Variants in GFRA1 observed in about 807,000 individuals in gnomAD.
GFRA1 encodes GDNF family receptor alpha 1, also known as GDNF family receptor alpha-1.
GFRA1 carries 16 observed loss-of-function variants against 51.6 expected under a neutral mutation model. The observed-to-expected ratio is 0.31, with a 90% CI of 0.21 to 0.47. The LOEUF (loss-of-function observed/expected upper bound fraction) is 0.47, where lower values mean the gene tolerates loss of function less well. Ranked by LOEUF, GFRA1 falls within the 20% of genes least tolerant of loss-of-function variation. The pLI, the probability that GFRA1 is intolerant of heterozygous loss-of-function variation, is 1.00. For missense variants in GFRA1, 530 were observed against 594.3 expected (o/e 0.89, Z 1.13); for synonymous variants, 270 against 241.3 (o/e 1.12, Z -1.10).
At chr10:116,210,003 G>T (rs1965067694) in intron 5 of GFRA1, among the ~76,000 whole-genome samples, 1 of 152,074 alleles carries the variant, frequency 6.6e-6, no homozygotes, top group South Asian at 2.1e-4. Flanking sequence ...GGTAGCTTGC[G>T]GCTTCCATCT....
At chr10:116,084,020 C>A (rs1222836887) in intron 9 of GFRA1, among the ~76,000 whole-genome samples, 1 of 152,124 alleles carries the variant, frequency 6.6e-6, no homozygotes, top group South Asian at 2.1e-4. Flanking sequence ...AAGGTGTGAA[C>A]CTAGGCTGAA....
chr10:116,245,646 T>C (rs1198524059), intron 4 of GFRA1, among the ~76,000 whole-genome samples: 1 of 152,210 alleles, frequency 6.6e-6, no homozygotes, highest in Non-Finnish European at 1.5e-5. Flanking sequence ...TATAGCTTTA[T>C]TCATAATAAA....
At chr10:116,078,756 C>T (rs1186827711) in intron 9 of GFRA1, among the ~76,000 whole-genome samples, 3 of 152,078 alleles carry the variant, frequency 2.0e-5, no homozygotes, top group South Asian at 4.2e-4. Flanking sequence ...CACACAGAGA[C>T]GATGAAAACG....
chr10:116,115,312 A>G (rs1957370098), intron 6 of GFRA1, among the ~76,000 whole-genome samples: 1 of 151,878 alleles, frequency 6.6e-6, no homozygotes, highest in South Asian at 2.1e-4. Context: ...TGGCTGTGAG[A>G]CCCAGGCCCA....
intron 9 of GFRA1, among the ~76,000 whole-genome samples, chr10:116,068,708 A>C (rs1955231111): frequency 6.6e-6 from 1 of 152,172 alleles, no homozygotes; most frequent in African/African-American, 2.4e-5. Flanking sequence ...GGAACCTGAG[A>C]AACCTGTTAT....
At chr10:116,238,599 A>T (rs1441557093) in intron 4 of GFRA1, among the ~76,000 whole-genome samples, 1 of 152,238 alleles carries the variant, frequency 6.6e-6, no homozygotes, top group Non-Finnish European at 1.5e-5. Context: ...GATGGATAAT[A>T]AGCAATATTT....
chr10:116,205,938 A>T lies in GFRA1; in HGVS notation c.433+5693T>A, dbSNP rs1964718214. The stretch of plus-strand genomic sequence containing the variant: ...CATTTTCCTCATATCACACACACAC[A>T]CACACACACACACACACACACACAC... On this transcript the variant is annotated intron_variant, in intron 5 of 10. Coordinates refer to ENST00000355422, the MANE Select transcript of GFRA1 (RefSeq NM_005264.8). 2.0e-5 allele frequency among the ~76,000 whole-genome samples: 3 copies of T among 149,034 alleles called. No homozygotes were observed. In the South Asian group the frequency reaches 6.4e-4, roughly 32 times the overall value.
chr10:116,095,253 C>T (rs541454129), intron 7 of GFRA1, among the ~76,000 whole-genome samples: 2 of 152,298 alleles, frequency 1.3e-5, no homozygotes, highest in Admixed American at 1.3e-4. Context: ...GTTTGTGAAC[C>T]AAATACTTGC....
At chr10:116,271,601 G>T (rs887246489) in intron 2 of GFRA1, among the ~76,000 whole-genome samples, 2 of 152,254 alleles carry the variant, frequency 1.3e-5, no homozygotes, top group Admixed American at 1.3e-4. Context: ...GTGCCCAGAA[G>T]CTACTCGGGA....
intron 5 of GFRA1, among the ~76,000 whole-genome samples, chr10:116,196,781 TA>T (rs1392583675): frequency 8.1e-6 from 1 of 123,866 alleles, no homozygotes; most frequent in Non-Finnish European, 1.6e-5. Flanking sequence ...ATACTGTATA[TA>T]ATATAATATA....
intron 4 of GFRA1, among the ~76,000 whole-genome samples, chr10:116,266,875 G>T (rs1383104802): frequency 2.0e-5 from 3 of 152,190 alleles, no homozygotes; most frequent in Non-Finnish European, 4.4e-5. Flanking sequence ...CTAGAGATGA[G>T]CCCAACCTTT....
At chr10:116,105,436 G>A (rs1285123622) in intron 6 of GFRA1, among the ~76,000 whole-genome samples, 2 of 152,174 alleles carry the variant, frequency 1.3e-5, no homozygotes, top group Admixed American at 1.3e-4. Flanking sequence ...GTAAATGCCT[G>A]AAGTCGCCTG....
upstream of GFRA1, among the ~76,000 whole-genome samples, chr10:116,273,947 T>C (rs1209818528): frequency 2.0e-5 from 3 of 152,070 alleles, no homozygotes; most frequent in Non-Finnish European, 4.4e-5. Context: ...GCACACGCAG[T>C]CTCTACCTCT....
intron 5 of GFRA1, among the ~76,000 whole-genome samples, chr10:116,171,940 C>G (rs1270869188): frequency 6.6e-6 from 1 of 152,306 alleles, no homozygotes; most frequent in East Asian, 1.9e-4. Flanking sequence ...AGCCCCGATA[C>G]AATCATTGCA....
chr10:116,099,712 G>GAA, intron 6 of GFRA1, among the ~76,000 whole-genome samples: 1 of 152,132 alleles, frequency 6.6e-6, no homozygotes. Context: ...ATATAATGAT[G>GAA]AAAAAGACCC....
Position 116,117,505 on chromosome 10 carries a change from G to A in GFRA1, c.770+7716C>T, listed in dbSNP as rs1014211446. ...GTGAAATATCAGGTTGTTATTCCTG[G>A]CACAGTAAGTGCAGGCCAGATGGAT... On this transcript the variant is annotated intron_variant, in intron 6 of 10. Transcript: ENST00000355422. 2.8e-5 allele frequency among the ~76,000 whole-genome samples: 4 copies of A among 145,424 alleles called. No homozygotes were observed. In the East Asian group the frequency reaches 6.3e-4, roughly 23 times the overall value.
intron 6 of GFRA1, among the ~76,000 whole-genome samples, chr10:116,104,812 C>A (rs1051131561): frequency 1.3e-5 from 2 of 152,186 alleles, no homozygotes; most frequent in African/African-American, 4.8e-5. Flanking sequence ...AAAAGCAAGT[C>A]ATGGTAGTTG....
chr10:116,138,713 A>G lies in GFRA1; in HGVS notation c.434-13156T>C, dbSNP rs934950035. Among the ~76,000 whole-genome samples the G allele has an allele frequency of 2.0e-5, 3 of 149,704 alleles. No individual in the cohort carries two copies. In the East Asian group the frequency reaches 6.0e-4, roughly 30 times the overall value. On this transcript the variant is annotated intron_variant, in intron 5 of 10. Transcript: ENST00000355422. ...CATGGTCTCTCATGAGCTTGAGACA[A>G]AGGAAGAACAAAAGAACTGACGGCT...
chr10:116,197,032 T>C (rs1018579704), intron 5 of GFRA1, among the ~76,000 whole-genome samples: 3 of 151,524 alleles, frequency 2.0e-5, no homozygotes, highest in Admixed American at 6.6e-5. Context: ...TGTCCTCTCC[T>C]CTTAGAAGAA....
Sources: allele counts gnomAD v4.1 joint callset (sites outside exome capture counted in the v4.1 genomes callset), GRCh38; gene constraint gnomAD v4.1.1; transcripts MANE v1.5; gene names NCBI Gene and HGNC (gene_info 2026-07-23, HGNC 2026-07-21).